The following SLC46A1 variants were observed in gnomAD, a reference collection of about 807,000 sequenced individuals.
The protein encoded by SLC46A1 is solute carrier family 46 member 1, also known as proton-coupled folate transporter.
Under a neutral mutation model 32.1 loss-of-function variants are expected in SLC46A1, and 17 were observed. The ratio of observed to expected loss-of-function variants is 0.53; its 90% CI spans 0.36 to 0.79. SLC46A1 has a LOEUF of 0.79. Ranked by LOEUF, SLC46A1 falls within the 30% of genes least tolerant of loss-of-function variation. The pLI is 0.00. For missense variants in SLC46A1, 517 were observed against 588.2 expected (o/e 0.88, Z 1.25); for synonymous variants, 240 against 262.7 (o/e 0.91, Z 0.84).
Position 28,399,462 on chromosome 17 carries a change from A to T in SLC46A1, c.*194T>A. 1.7e-6 allele frequency: 1 copy of T among 605,220 alleles called. No homozygotes were observed. The highest frequency in any genetic ancestry group is 2.9e-6 in the Non-Finnish European group (1 of 340,860). The allele number at this position is 605,220 out of a possible 1,614,324, so 37.5% of individuals were successfully genotyped here. A position where few individuals can be genotyped will look rare whatever the true frequency, so the allele number is the denominator to read the frequency against. On this transcript the variant is annotated 3_prime_UTR_variant, in exon 5 of 5. Transcript: ENST00000612814. ...GTGGGCCTGTGTGGGTTATGATTCT[A>T]GATCCTAGACAGAGGCTGGGTCAGC...
intron 1 of SLC46A1, 103 bp from the exon 2 acceptor site, chr17:28,405,571 G>T: frequency 6.7e-7 from 1 of 1,488,076 alleles, no homozygotes; most frequent in Middle Eastern, 2.4e-4. Context: ...TTCCTTTGGA[G>T]CCCTAAACCT....
At chr17:28,401,004 A>G (rs1555589503) in intron 3 of SLC46A1, 1 of 534,744 alleles carries the variant, frequency 1.9e-6, no homozygotes, top group East Asian at 3.3e-5. Flanking sequence ...CATTAAAAGT[A>G]CATGTGATCT....
At position 28,395,929 on chromosome 17, in the gene SLC46A1, G is replaced by A. The variant is rs557710063; in HGVS notation, c.*3727C>T. ...GGAGATTGTGACTGCTTTAAGCTGC[G>A]GCAAGAACATTGTGCCCATCATTGA... On this transcript the variant is annotated 3_prime_UTR_variant, in exon 5 of 5. Coordinates refer to ENST00000612814, the MANE Select transcript of SLC46A1 (RefSeq NM_080669.6). The A allele has an allele frequency of 3.6e-5, 58 of 1,613,890 alleles. 1 individual carries two copies. The highest frequency in any genetic ancestry group is 2.6e-4 in the South Asian group (24 of 91,070).
chr17:28,399,566 C>T lies in SLC46A1; in HGVS notation c.*90G>A, dbSNP rs782079474. 9 of 1,373,882 alleles carry T rather than the reference C, an allele frequency of 6.6e-6. No homozygotes were observed. The highest frequency in any genetic ancestry group is 9.3e-6 in the Non-Finnish European group (9 of 969,612). 85.1% of individuals were successfully genotyped at this position (1,373,882 alleles called of 1,614,324 possible). ...CTGCCCTTAGACAAGAGTTGCTTGT[C>T]CTGCTGTGGGCTGGGCTTCCAGCTG... On this transcript the variant is annotated 3_prime_UTR_variant, in exon 5 of 5. Coordinates refer to ENST00000612814, the MANE Select transcript of SLC46A1 (RefSeq NM_080669.6).
rs2068123403 is a variant in SLC46A1 at position 28,396,334 on chromosome 17, C to A, written c.*3322G>T. Reference sequence around the variant, plus strand: ...TGCTGTGACTTCCATTTCCATCGTCCTTTCTGAAGGAACAGCTCCTGAAAC... The same window carrying A: ...TGCTGTGACTTCCATTTCCATCGTCATTTCTGAAGGAACAGCTCCTGAAAC... On this transcript the variant is annotated 3_prime_UTR_variant, in exon 5 of 5. Coordinates refer to ENST00000612814, the MANE Select transcript of SLC46A1 (RefSeq NM_080669.6). 2 of 1,607,726 alleles carry A rather than the reference C, an allele frequency of 1.2e-6. No homozygotes were observed. Among genetic ancestry groups the A allele is most frequent in the South Asian group, 1.1e-5 (1 of 90,790 alleles).
At chr17:28,400,880 T>C in intron 3 of SLC46A1, 114 bp from the exon 4 acceptor site, 2 of 890,078 alleles carry the variant, frequency 2.2e-6, no homozygotes, top group East Asian at 2.6e-5. Flanking sequence ...TGTCTCCCCT[T>C]CCTCACCAGT....
At chr17:28,401,972 AG>A in intron 3 of SLC46A1, 1 of 334,846 alleles carries the variant, frequency 3.0e-6, no homozygotes, top group South Asian at 6.2e-5. Flanking sequence ...GTCTGCAGAG[AG>A]TAAATCCTCT....
rs281875209 is a variant in SLC46A1, at chr17:28,404,685, C to G, written c.1012G>C (p.Gly338Arg). ...CLADAWVAEI[G>R]LAFNILGMVV... ...ATCCCCAGGATGTTGAAGGCCAGGC[C>G]GATCTCAGCTACCCAGGCATCGGCC... is the stretch of plus-strand genomic sequence containing the variant. Residue 338 changes from glycine (G) to arginine (R), a missense_variant, in exon 2 of 5, where the codon GGC (glycine) becomes CGC (arginine). By Grantham distance (125) the Gly-to-Arg change is moderately radical (BLOSUM62 -2). Coordinates refer to ENST00000612814, the MANE Select transcript of SLC46A1 (RefSeq NM_080669.6). 1.2e-6 allele frequency: 2 copies of G among 1,613,588 alleles called. No individual in the cohort carries two copies. The highest frequency in any genetic ancestry group is 1.7e-6 in the Non-Finnish European group (2 of 1,179,590).
Position 28,395,938 on chromosome 17 carries a change from A to G in SLC46A1, c.*3718T>C. ...GACTGCTTTAAGCTGCGGCAAGAAC[A>G]TTGTGCCCATCATTGATGGCTTCGA... On this transcript the variant is annotated 3_prime_UTR_variant, in exon 5 of 5. Transcript: ENST00000612814. The G allele has an allele frequency of 2.5e-6, 4 of 1,613,886 alleles. No homozygotes were observed. The South Asian group carries it at 4.4e-5, about 18-fold the overall frequency.
rs782529404 is a variant in SLC46A1, at chr17:28,404,632, C to T, written c.1065G>A (p.Thr355=). 1.7e-5 allele frequency: 28 copies of T among 1,610,234 alleles called. No homozygotes were observed. The East Asian group carries it at 1.8e-4, about 10-fold the overall frequency. Residue 355 remains threonine (T), a synonymous_variant, in exon 2 of 5, where the codon ACG becomes ACA. Coordinates refer to ENST00000612814, the MANE Select transcript of SLC46A1 (RefSeq NM_080669.6). ...GMVVFAFATI[T]PLMFTGYGLL... Reference sequence around the variant, plus strand: ...ACACTTTACCTGTGAACATGAGAGGCGTGATAGTGGCAAAGGCAAAGACCA... The same window carrying T: ...ACACTTTACCTGTGAACATGAGAGGTGTGATAGTGGCAAAGGCAAAGACCA...
chr17:28,406,160 G>A lies in SLC46A1; in HGVS notation c.-46C>T. 1.5e-6 allele frequency: 2 copies of A among 1,306,080 alleles called. No homozygotes were observed. Among genetic ancestry groups the A allele is most frequent in the East Asian group, 3.1e-5 (1 of 32,058 alleles). 80.9% of individuals were successfully genotyped at this position (1,306,080 alleles called of 1,614,324 possible). On this transcript the variant is annotated 5_prime_UTR_variant, in exon 1 of 5. Transcript: ENST00000612814. The surrounding 1 kb of genome is among the most constrained non-coding windows in gnomAD (Gnocchi z 4.5). Reference sequence around the variant, plus strand: ...TCGCCAGGCGGGCGGCGGGGCGCGCGAGCGACTCGCTGCCTGGGACCAGCG... The same window carrying A: ...TCGCCAGGCGGGCGGCGGGGCGCGCAAGCGACTCGCTGCCTGGGACCAGCG...
chr17:28,406,292 G>T (rs1020230332), upstream of SLC46A1: 18 of 479,518 alleles, frequency 3.8e-5, no homozygotes, highest in Non-Finnish European at 6.0e-5. This position sits in a 1 kb window ranked among gnomAD's most constrained non-coding sequence, Gnocchi z 4.5. Context: ...CTCGCCGCGG[G>T]TGCACCTGGC....
chr17:28,395,685 C>G lies in SLC46A1; in HGVS notation c.*3971G>C. 1 of 538,024 alleles carries G rather than the reference C, an allele frequency of 1.9e-6. No individual in the cohort carries two copies. The highest frequency in any genetic ancestry group is 3.3e-6 in the Non-Finnish European group (1 of 300,884). 33.3% of individuals were successfully genotyped at this position (538,024 alleles called of 1,614,324 possible). ...AAAGACACTCATCACTCAAGAGATT[C>G]CAAGGGTTTTAGCAGCTCTGTGCCA... On this transcript the variant is annotated 3_prime_UTR_variant, in exon 5 of 5. Coordinates refer to ENST00000612814, the MANE Select transcript of SLC46A1 (RefSeq NM_080669.6).
chr17:28,404,218 A>C, intron 2 of SLC46A1: 1 of 199,714 alleles, frequency 5.0e-6, no homozygotes, highest in Non-Finnish European at 1.0e-5. Context: ...GACTAAGGGT[A>C]TTTGAGGTAG....
chr17:28,406,213 G>C, upstream of SLC46A1: 2 of 914,466 alleles, frequency 2.2e-6, no homozygotes, highest in African/African-American at 1.7e-5. The surrounding 1 kb of genome is among the most constrained non-coding windows in gnomAD (Gnocchi z 4.5). Context: ...TGCGCTGTCT[G>C]CGCCTGCGCC....
chr17:28,404,797 G>A lies in SLC46A1; in HGVS notation c.900C>T (p.Asp300=). The A allele has an allele frequency of 6.2e-7, 1 of 1,614,026 alleles. No homozygotes were observed. The highest frequency in any genetic ancestry group is 8.5e-7 in the Non-Finnish European group (1 of 1,179,894). Residue 300 remains aspartate, a synonymous_variant, in exon 2 of 5, where the codon GAC becomes GAT. Coordinates refer to ENST00000612814, the MANE Select transcript of SLC46A1 (RefSeq NM_080669.6). ...LYELSTPLCW[D]SKLIGYGSAA... is the part of the protein sequence containing the mutation. The stretch of plus-strand genomic sequence containing the variant: ...CAGAACCATAGCCGATTAGTTTGGA[G>A]TCCCAGCAGAGGGGTGTGCTTAGTT...
In SLC46A1 at chr17:28,394,933, A is replaced by G. The variant is rs1216335603; in HGVS notation, c.*4723T>C. The G allele has an allele frequency of 6.6e-6, 1 of 151,884 alleles. No individual in the cohort carries two copies. The highest frequency in any genetic ancestry group is 1.5e-5 in the Non-Finnish European group (1 of 67,998). 9.4% of individuals were successfully genotyped at this position (151,884 alleles called of 1,614,324 possible). A position where few individuals can be genotyped will look rare whatever the true frequency, so the allele number is the denominator to read the frequency against. On this transcript the variant is annotated 3_prime_UTR_variant, in exon 5 of 5. Coordinates refer to ENST00000612814, the MANE Select transcript of SLC46A1 (RefSeq NM_080669.6). The stretch of plus-strand genomic sequence containing the variant: ...GCTACATTCCAAGGAAGATGACTTT[A>G]TTACCCCCTGAGAAAGGGTGGTGAT...
rs1385570299 is a variant in SLC46A1, at chr17:28,405,238, G to A, written c.459C>T (p.Leu153=). 1.3e-5 allele frequency: 21 copies of A among 1,591,156 alleles called. No homozygotes were observed. The highest frequency in any genetic ancestry group is 1.8e-5 in the Non-Finnish European group (21 of 1,169,426). The part of the protein sequence containing the change: ...YFVLGRILCA[L]LGDFGGLLAA... ...CCAGAAGGCCACCGAAGTCGCCGAG[G>A]AGGGCACAAAGGATGCGACCCAGCA... Residue 153 remains leucine, a synonymous_variant, in exon 2 of 5, where the codon CTC becomes CTT. Coordinates refer to ENST00000612814, the MANE Select transcript of SLC46A1 (RefSeq NM_080669.6).
chr17:28,399,401 C>T lies in SLC46A1; in HGVS notation c.*255G>A. The T allele has an allele frequency of 5.8e-6, 3 of 521,624 alleles. No homozygotes were observed. Among genetic ancestry groups the T allele is most frequent in the South Asian group, 2.4e-5 (1 of 41,432 alleles). 32.3% of individuals were successfully genotyped at this position (521,624 alleles called of 1,614,324 possible). A position where few individuals can be genotyped will look rare whatever the true frequency, so the allele number is the denominator to read the frequency against. On this transcript the variant is annotated 3_prime_UTR_variant, in exon 5 of 5. Coordinates refer to ENST00000612814, the MANE Select transcript of SLC46A1 (RefSeq NM_080669.6). Reference sequence around the variant, plus strand: ...GGATAGCAGAAAGGGAGAACTGACTCCTGTCCCAAATAGCTCCTCTGCCAC... The same window carrying T: ...GGATAGCAGAAAGGGAGAACTGACTTCTGTCCCAAATAGCTCCTCTGCCAC...
Sources: gnomAD v4.1 joint callset for allele counts on GRCh38, gnomAD v4.1.1 for gene constraint, Gnocchi (gnomAD v3.1) non-coding constraint, MANE v1.5 for transcripts, NCBI Gene and HGNC (gene_info 2026-07-23, HGNC 2026-07-21) for gene names.